Variants in NTRK3 observed in about 807,000 individuals in gnomAD.
NTRK3 encodes the protein neurotrophic receptor tyrosine kinase 3.
NTRK3 carries 24 observed loss-of-function variants against 91.7 expected under a neutral mutation model. That is an observed-to-expected ratio of 0.26 (90% CI 0.19 to 0.37). NTRK3 has a LOEUF of 0.37. Ranked by LOEUF, NTRK3 falls within the 10% of genes least tolerant of loss-of-function variation. NTRK3 has a pLI of 1.00. For missense variants in NTRK3, 880 were observed against 1,068.9 expected (o/e 0.82, Z 2.46); for synonymous variants, 483 against 404.0 (o/e 1.20, Z -2.34).
chr15:88,106,939 TAA>T (rs796587643), intron 13 of NTRK3, among the ~76,000 whole-genome samples: 4 of 122,816 alleles, frequency 3.3e-5, no homozygotes, highest in Non-Finnish European at 3.6e-5. Context: ...TCTCAAAAAG[TAA>T]AAAAAAAAAA....
chr15:88,063,240 G>A (rs879330870), intron 13 of NTRK3, among the ~76,000 whole-genome samples: 21 of 152,250 alleles, frequency 1.4e-4, no homozygotes, highest in African/African-American at 4.3e-4. Context: ...CAACAATGAC[G>A]ATGACAAGGA....
intron 17 of NTRK3, among the ~76,000 whole-genome samples, chr15:87,906,162 T>A (rs767954332): frequency 1.3e-5 from 2 of 152,326 alleles, no homozygotes; most frequent in Non-Finnish European, 2.9e-5. Flanking sequence ...CTGGCTCCAC[T>A]ATTTTCTATT....
At chr15:88,061,800 A>T (rs1400565977) in intron 13 of NTRK3, among the ~76,000 whole-genome samples, 3 of 152,128 alleles carry the variant, frequency 2.0e-5, no homozygotes, top group Admixed American at 1.3e-4. Flanking sequence ...AGAAAATGCC[A>T]GTCTGTGGAG....
chr15:87,949,708 A>G, intron 14 of NTRK3, among the ~76,000 whole-genome samples: 1 of 152,128 alleles, frequency 6.6e-6, no homozygotes, highest in Non-Finnish European at 1.5e-5. Flanking sequence ...TCCCTACCAC[A>G]GTACGCCTGC....
intron 3 of NTRK3, among the ~76,000 whole-genome samples, chr15:88,254,645 G>C (rs2053807910): frequency 6.6e-6 from 1 of 152,166 alleles, no homozygotes; most frequent in African/African-American, 2.4e-5. Context: ...TGAAGCAAGG[G>C]GAGGTGCTCC....
Position 88,126,256 on chromosome 15 carries a change from A to G in NTRK3, c.1396+15T>C. 2 of 1,577,536 alleles carry G rather than the reference A, an allele frequency of 1.3e-6. No homozygotes were observed. Among genetic ancestry groups the G allele is most frequent in the Non-Finnish European group, 1.7e-6 (2 of 1,146,772 alleles). ...TCCCCCCATGACGCCCTTGAAAATGAAACTCCCACCTTACCCTTCATTCCA... is the reference window on the plus strand; with the variant it reads ...TCCCCCCATGACGCCCTTGAAAATGGAACTCCCACCTTACCCTTCATTCCA... On this transcript the variant is annotated intron_variant, in intron 13 of 18. Coordinates refer to ENST00000394480, the Ensembl canonical transcript of NTRK3.
chr15:88,076,071 TAA>T (rs902034333), intron 13 of NTRK3, among the ~76,000 whole-genome samples: 14 of 152,204 alleles, frequency 9.2e-5, no homozygotes, highest in Non-Finnish European at 1.8e-4. Context: ...ATGCTGCTAA[TAA>T]AGACATACCT....
rs2051946501 is a variant in NTRK3 at position 88,237,892 on chromosome 15, G to C, written c.248+18014C>G. ...GTTTTATGATTGTTATAATATTTTT[G>C]TGTTCCCCTCAAAATTCCTTTGTTG... On this transcript the variant is annotated intron_variant, in intron 3 of 18. Coordinates refer to ENST00000394480, the Ensembl canonical transcript of NTRK3. The surrounding 1 kb of genome is among the most constrained non-coding windows in gnomAD (Gnocchi z 4.0). Among the ~76,000 whole-genome samples, 1 of 152,078 alleles carries C rather than the reference G, an allele frequency of 6.6e-6. No individual in the cohort carries two copies. Among genetic ancestry groups the C allele is most frequent in the Admixed American group, 6.6e-5 (1 of 15,256 alleles).
At chr15:87,897,212 C>T (rs1280063557) in intron 17 of NTRK3, among the ~76,000 whole-genome samples, 1 of 152,156 alleles carries the variant, frequency 6.6e-6, no homozygotes, top group African/African-American at 2.4e-5. Context: ...GTTCTCTTAC[C>T]TAGAGCTGCA....
intron 5 of NTRK3, among the ~76,000 whole-genome samples, chr15:88,154,144 G>A (rs555650040): frequency 6.7e-6 from 1 of 148,320 alleles, no homozygotes; most frequent in East Asian, 2.0e-4. Context: ...AACCACAGAA[G>A]GATGAAACTA....
intron 15 of NTRK3, among the ~76,000 whole-genome samples, chr15:87,935,564 T>TGCA (rs1340166239): frequency 6.6e-6 from 1 of 152,012 alleles, no homozygotes; most frequent in African/African-American, 2.4e-5. Context: ...TTTATTTTCA[T>TGCA]GCAGAAGAAG....
At chr15:87,911,907 T>C (rs935028294) in intron 17 of NTRK3, among the ~76,000 whole-genome samples, 2 of 152,228 alleles carry the variant, frequency 1.3e-5, no homozygotes, top group Non-Finnish European at 2.9e-5. Flanking sequence ...TAAGCTACTG[T>C]GAATGATTAT....
intron 13 of NTRK3, among the ~76,000 whole-genome samples, chr15:88,075,529 C>T (rs772526621): frequency 2.6e-4 from 39 of 152,284 alleles, no homozygotes; most frequent in Non-Finnish European, 5.1e-4. Flanking sequence ...CCAGCAGAGC[C>T]ACTTCACCCT....
intron 13 of NTRK3, among the ~76,000 whole-genome samples, chr15:88,121,334 A>G (rs542157194): frequency 3.9e-5 from 6 of 152,262 alleles, no homozygotes; most frequent in Admixed American, 3.9e-4. Flanking sequence ...AAGACAAAGG[A>G]GTCAGGGCAT....
At chr15:88,218,157 C>T (rs562209819) in intron 3 of NTRK3, among the ~76,000 whole-genome samples, 15 of 152,296 alleles carry the variant, frequency 9.8e-5, no homozygotes, top group East Asian at 3.9e-4. Flanking sequence ...AGCCTGACTA[C>T]GTCCCTGGGC....
At chr15:88,068,858 AAT>A (rs1223279476) in intron 13 of NTRK3, among the ~76,000 whole-genome samples, 1 of 152,160 alleles carries the variant, frequency 6.6e-6, no homozygotes. Flanking sequence ...TGGGGAAGCA[AAT>A]GGAGCCAAGA....
chr15:88,181,123 T>C (rs1442180213), intron 5 of NTRK3, among the ~76,000 whole-genome samples: 1 of 152,018 alleles, frequency 6.6e-6, no homozygotes, highest in African/African-American at 2.4e-5. Flanking sequence ...AAACTAATGG[T>C]CATCCATCCT....
intron 13 of NTRK3, among the ~76,000 whole-genome samples, chr15:88,080,037 A>G (rs2047908754): frequency 6.6e-6 from 1 of 152,234 alleles, no homozygotes. Context: ...ATTGTTCTAC[A>G]ACATATTTTA....
intron 17 of NTRK3, among the ~76,000 whole-genome samples, chr15:87,880,961 G>A (rs538791744): frequency 6.6e-6 from 1 of 152,194 alleles, no homozygotes; most frequent in South Asian, 2.1e-4. Context: ...TTCCAAAAGC[G>A]TGGAAGACCA....
Sources: gnomAD v4.1 joint callset for allele counts (sites outside exome capture counted in the v4.1 genomes callset) on GRCh38, gnomAD v4.1.1 for gene constraint, Gnocchi (gnomAD v3.1) non-coding constraint, MANE v1.5 for transcripts, NCBI Gene and HGNC (gene_info 2026-07-23, HGNC 2026-07-21) for gene names.